The following FOXP2 variants were observed in gnomAD, a reference collection of about 807,000 sequenced individuals.
FOXP2 encodes forkhead box P2.
In FOXP2, 12 loss-of-function variants were observed where a neutral mutation model predicts 115.8. The ratio of observed to expected loss-of-function variants is 0.10; its 90% CI spans 0.07 to 0.17. The LOEUF is 0.17. FOXP2 is among the 10% of genes least tolerant of loss of function. The probability of loss-of-function intolerance (pLI) is 1.00; values close to 1 mark genes in which losing one functional copy is unlikely to be tolerated. For synonymous variants in FOXP2, 328 were observed against 297.7 expected (o/e 1.10, Z -1.05); for missense variants, 629 against 843.5 (o/e 0.75, Z 3.15).
At chr7:114,158,037 A>C (rs1001833026) in intron 1 of FOXP2, among the ~76,000 whole-genome samples, 4 of 152,136 alleles carry the variant, frequency 2.6e-5, no homozygotes, top group Non-Finnish European at 4.4e-5. Context: ...CCATTATTTG[A>C]GTAAGAGTCA....
At chr7:114,310,455 C>T (rs1224488192) in intron 2 of FOXP2, among the ~76,000 whole-genome samples, 1 of 152,020 alleles carries the variant, frequency 6.6e-6, no homozygotes, top group South Asian at 2.1e-4. Context: ...GACTGAGGGT[C>T]ACAAGAGTCC....
chr7:114,258,675 C>T (rs1300362247), intron 1 of FOXP2, among the ~76,000 whole-genome samples: 3 of 152,184 alleles, frequency 2.0e-5, no homozygotes, highest in Admixed American at 2.0e-4. Flanking sequence ...TATAGCAATG[C>T]TTCTGACAGT....
At position 114,554,081 on chromosome 7, in the gene FOXP2, G is replaced by A. The variant is rs531935385; in HGVS notation, c.258+19375G>A. ...GAGGATACCAAAAATGTAAGGGATA[G>A]CATTATTTGGTATTATGCTTATTCC... is the stretch of plus-strand genomic sequence containing the variant. On this transcript the variant is annotated intron_variant, in intron 3 of 16. Transcript: ENST00000350908. 5.3e-5 allele frequency among the ~76,000 whole-genome samples: 8 copies of A among 152,100 alleles called. No individual in the cohort carries two copies. The East Asian group carries it at 1.3e-3, about 26-fold the overall frequency.
intron 3 of FOXP2, among the ~76,000 whole-genome samples, chr7:114,584,051 A>G (rs1328063547): frequency 2.0e-5 from 3 of 152,126 alleles, no homozygotes; most frequent in Non-Finnish European, 4.4e-5. Context: ...TATTATACAC[A>G]TTTACACTAT....
In FOXP2 at chr7:114,290,212, AT is replaced by A. The variant is rs544826026; in HGVS notation, c.-11+2113del. On this transcript the variant is annotated intron_variant, in intron 2 of 17. Coordinates refer to the FOXP2 transcript ENST00000634411. ...GGTTCAAACCTCCTATTTTCAAACA[AT>A]TTTTTTTTTAGTTTTATCTCCATTT... Among the ~76,000 whole-genome samples the A allele has an allele frequency of 6.0e-5, 9 of 149,754 alleles. No individual in the cohort carries two copies. The South Asian group carries it at 6.3e-4, about 11-fold the overall frequency.
intron 2 of FOXP2, among the ~76,000 whole-genome samples, chr7:114,384,776 G>A (rs1792400222): frequency 6.6e-6 from 1 of 151,328 alleles, no homozygotes; most frequent in African/African-American, 2.4e-5. Context: ...GAACTGGTGA[G>A]GTGCGCTCAC....
In FOXP2 at chr7:114,295,692, G is replaced by T. The variant is rs372945281; in HGVS notation, c.-11+7583G>T. Among the ~76,000 whole-genome samples the T allele has an allele frequency of 2.6e-5, 4 of 152,220 alleles. No individual in the cohort carries two copies. The East Asian group carries it at 7.7e-4, about 29-fold the overall frequency. On this transcript the variant is annotated intron_variant, in intron 2 of 17. Transcript: ENST00000634411. ...AGTTATAGTCTGAAGCCTCCTTTTA[G>T]CTGTCAGCCTTATTAAGGAGCTCTT...
intron 1 of FOXP2, among the ~76,000 whole-genome samples, chr7:114,164,893 C>G (rs920596776): frequency 2.6e-5 from 4 of 151,934 alleles, no homozygotes; most frequent in African/African-American, 9.7e-5. Context: ...TAAGAATGAA[C>G]AAATTACAGC....
At chr7:114,597,519 C>G (rs902037331) in intron 3 of FOXP2, among the ~76,000 whole-genome samples, 2 of 152,092 alleles carry the variant, frequency 1.3e-5, no homozygotes, top group Non-Finnish European at 2.9e-5. Context: ...ATATGACATT[C>G]AGGCATCACC....
intron 2 of FOXP2, among the ~76,000 whole-genome samples, chr7:114,373,633 T>C (rs1011687707): frequency 5.9e-5 from 9 of 152,312 alleles, no homozygotes; most frequent in Admixed American, 5.2e-4. Context: ...CCAATCAATA[T>C]CAACCTTTCC....
At chr7:114,403,014 C>G (rs779674679) in intron 2 of FOXP2, among the ~76,000 whole-genome samples, 1 of 152,148 alleles carries the variant, frequency 6.6e-6, no homozygotes, top group Non-Finnish European at 1.5e-5. Flanking sequence ...TGTTCATAGA[C>G]TGTCTAGATT....
At chr7:114,113,325 C>G (rs182703844) in intron 1 of FOXP2, among the ~76,000 whole-genome samples, 1 of 152,240 alleles carries the variant, frequency 6.6e-6, no homozygotes, top group Non-Finnish European at 1.5e-5. Flanking sequence ...TTTCTCAAAT[C>G]CTAAACAAAA....
chr7:114,439,962 T>C (rs532377142), intron 2 of FOXP2, among the ~76,000 whole-genome samples: 14 of 152,306 alleles, frequency 9.2e-5, no homozygotes, highest in African/African-American at 3.4e-4. Context: ...GCTTACATAA[T>C]AGATCCTCTC....
intron 3 of FOXP2, among the ~76,000 whole-genome samples, chr7:114,550,379 G>C (rs1265914433): frequency 6.6e-6 from 1 of 152,020 alleles, no homozygotes; most frequent in Non-Finnish European, 1.5e-5. Flanking sequence ...GCCTCCCAAA[G>C]TGCTGGGATT....
At chr7:114,100,991 T>A (rs1790935532) in intron 1 of FOXP2, among the ~76,000 whole-genome samples, 1 of 152,152 alleles carries the variant, frequency 6.6e-6, no homozygotes, top group African/African-American at 2.4e-5. Flanking sequence ...CCAGCCCATG[T>A]TTTGTTGATG....
chr7:114,145,475 T>TCTTTTCTTTTCTTTC, intron 1 of FOXP2, among the ~76,000 whole-genome samples: 1 of 133,810 alleles, frequency 7.5e-6, no homozygotes, highest in Non-Finnish European at 1.6e-5. Context: ...TCTTTTCTTT[T>TCTTTTCTTTTCTTTC]CTTTTCTTTT....
chr7:114,116,082 A>G (rs1047966794), intron 1 of FOXP2, among the ~76,000 whole-genome samples: 4 of 152,160 alleles, frequency 2.6e-5, no homozygotes, highest in African/African-American at 9.7e-5. Flanking sequence ...GAAGTTACAA[A>G]TTTTAAAATA....
rs1189329166 is a variant in FOXP2, at chr7:114,278,557, T to C, written c.-101-9462T>C. Among the ~76,000 whole-genome samples, 9 of 152,188 alleles carry C rather than the reference T, an allele frequency of 5.9e-5. No homozygotes were observed. In the East Asian group the frequency reaches 1.7e-3, roughly 29 times the overall value. Reference sequence around the variant, plus strand: ...TTAGTAGAGGTGGGGTTTCACCATGTTGGCCAGGCTGGTCTTGAACTCCTG... The same window carrying C: ...TTAGTAGAGGTGGGGTTTCACCATGCTGGCCAGGCTGGTCTTGAACTCCTG... On this transcript the variant is annotated intron_variant, in intron 1 of 17. Transcript: ENST00000634411.
At chr7:114,654,649 G>A (rs1806471626) in intron 10 of FOXP2, among the ~76,000 whole-genome samples, 1 of 152,140 alleles carries the variant, frequency 6.6e-6, no homozygotes, top group Non-Finnish European at 1.5e-5. Context: ...ACCTAATAAT[G>A]TAGTCAGATA....
Sources: gnomAD v4.1 joint callset for allele counts (sites outside exome capture counted in the v4.1 genomes callset) on GRCh38, gnomAD v4.1.1 for gene constraint, MANE v1.5 for transcripts, NCBI Gene and HGNC (gene_info 2026-07-23, HGNC 2026-07-21) for gene names.